TAF2: variants seen among roughly 807,000 people sequenced by gnomAD.
TAF2 encodes the protein transcription initiation factor TFIID subunit 2.
TAF2 carries 61 observed loss-of-function variants against 138.5 expected under a neutral mutation model. That is an observed-to-expected ratio of 0.44 (90% CI 0.36 to 0.54). The LOEUF is 0.54. Ranked by LOEUF, TAF2 falls within the 20% of genes least tolerant of loss-of-function variation. TAF2 has a pLI of 0.00. For synonymous variants in TAF2, 475 were observed against 469.9 expected (o/e 1.01, Z -0.14); for missense variants, 1,090 against 1,427.9 (o/e 0.76, Z 3.81).
chr8:119,828,604 G>C (rs1452442024), intron 2 of TAF2, among the ~76,000 whole-genome samples: 1 of 152,170 alleles, frequency 6.6e-6, no homozygotes, highest in Admixed American at 6.5e-5. Flanking sequence ...GAAGGAAAAG[G>C]AAACACCGAA....
At chr8:119,782,481 T>C (rs953614) in intron 16 of TAF2, among the ~76,000 whole-genome samples, 40,104 of 152,070 alleles carry the variant, frequency 0.26, 5,972 homozygotes, top group Middle Eastern at 0.4. Context: ...TCTGAGAACA[T>C]AGGAATTCAA....
chr8:119,819,062 A>T (rs1485669710), intron 3 of TAF2, among the ~76,000 whole-genome samples: 2 of 152,192 alleles, frequency 1.3e-5, no homozygotes, highest in African/African-American at 2.4e-5. Flanking sequence ...AATAATTAAG[A>T]AAAACACTGA....
chr8:119,740,028 T>C (rs1295519650), intron 25 of TAF2, among the ~76,000 whole-genome samples: 1 of 152,116 alleles, frequency 6.6e-6, no homozygotes, highest in Non-Finnish European at 1.5e-5. Context: ...CTAGAATCCC[T>C]AGAGACTGAA....
intron 18 of TAF2, among the ~76,000 whole-genome samples, chr8:119,764,616 T>C (rs1161090021): frequency 6.6e-6 from 1 of 152,224 alleles, no homozygotes; most frequent in East Asian, 1.9e-4. Context: ...TCTCAATTTC[T>C]GTGTCTTACT....
At chr8:119,774,063 C>T (rs1393231442) in intron 18 of TAF2, among the ~76,000 whole-genome samples, 5 of 151,082 alleles carry the variant, frequency 3.3e-5, no homozygotes, top group Admixed American at 1.4e-4. Context: ...CCCAGCTACT[C>T]GGGAGGCTGA....
intron 18 of TAF2, among the ~76,000 whole-genome samples, chr8:119,774,305 G>A (rs1273558541): frequency 1.3e-5 from 2 of 152,086 alleles, no homozygotes; most frequent in African/African-American, 4.8e-5. Flanking sequence ...TTAAGTGTCT[G>A]ACTTAGAGAA....
chr8:119,757,008 C>T (rs955179010), intron 21 of TAF2, among the ~76,000 whole-genome samples: 7 of 152,224 alleles, frequency 4.6e-5, no homozygotes, highest in Admixed American at 4.6e-4. Context: ...GGTTGTAATT[C>T]TTATGGAGGT....
Position 119,783,599 on chromosome 8 carries a change from G to C in TAF2, c.1894C>G (p.Pro632Ala). 2.5e-6 allele frequency: 4 copies of C among 1,613,822 alleles called. No individual in the cohort carries two copies. Among genetic ancestry groups the C allele is most frequent in the Non-Finnish European group, 3.4e-6 (4 of 1,179,946 alleles). The change falls in exon 16 of 26, where the codon CCA (proline) becomes GCA (alanine). Residue 632 changes from proline to alanine, a missense_variant. Coordinates refer to ENST00000378164, the MANE Select transcript of TAF2 (RefSeq NM_003184.4). ...DSPLLWIRID[P>A]DMSVLRKVEF... Reference sequence around the variant, plus strand: ...ACCTTCCTCAATACTGACATATCTGGGTCTATCCTTATCCACAGCAAAGGG... The same window carrying C: ...ACCTTCCTCAATACTGACATATCTGCGTCTATCCTTATCCACAGCAAAGGG...
intron 2 of TAF2, among the ~76,000 whole-genome samples, chr8:119,828,484 C>T (rs936756575): frequency 6.6e-6 from 1 of 152,148 alleles, no homozygotes; most frequent in Non-Finnish European, 1.5e-5. Context: ...TCTCAGATCC[C>T]CCCTAACAGT....
chr8:119,762,317 A>G (rs1821118096), intron 19 of TAF2, 98 bp downstream of exon 19: 2 of 1,209,036 alleles, frequency 1.7e-6, no homozygotes, highest in South Asian at 2.8e-5. Context: ...TAGTTTTCTC[A>G]TTTTACTTTA....
intron 18 of TAF2, among the ~76,000 whole-genome samples, chr8:119,773,867 G>A (rs1563857070): frequency 6.6e-6 from 1 of 151,514 alleles, no homozygotes; most frequent in Non-Finnish European, 1.5e-5. Flanking sequence ...CATAATAATT[G>A]TCTTATTAAA....
intron 14 of TAF2, among the ~76,000 whole-genome samples, chr8:119,785,804 A>G (rs1002135254): frequency 6.6e-6 from 1 of 152,226 alleles, no homozygotes; most frequent in Non-Finnish European, 1.5e-5. Context: ...GGGCAAATAA[A>G]AACAGGAACA....
chr8:119,822,368 A>G (rs34718068), intron 2 of TAF2, among the ~76,000 whole-genome samples: 41,240 of 151,758 alleles, frequency 0.27, 6,858 homozygotes, highest in Admixed American at 0.46. Flanking sequence ...GACTACAGAA[A>G]TGCATTACCA....
At chr8:119,757,238 G>C (rs1408488176) in intron 21 of TAF2, among the ~76,000 whole-genome samples, 1 of 152,034 alleles carries the variant, frequency 6.6e-6, no homozygotes, top group Non-Finnish European at 1.5e-5. Flanking sequence ...TTAAGACTGT[G>C]TAAAATAAGA....
chr8:119,814,276 A>C (rs575460308), intron 3 of TAF2, among the ~76,000 whole-genome samples: 1 of 152,280 alleles, frequency 6.6e-6, no homozygotes, highest in South Asian at 2.1e-4. Context: ...ACTTAATTCT[A>C]ATACTAATAA....
intron 22 of TAF2, among the ~76,000 whole-genome samples, chr8:119,752,507 G>A (rs1173899784): frequency 6.6e-6 from 1 of 152,144 alleles, no homozygotes; most frequent in Non-Finnish European, 1.5e-5. Flanking sequence ...CTCAGTTTCT[G>A]TACCTGTCTC....
intron 2 of TAF2, among the ~76,000 whole-genome samples, chr8:119,827,916 T>C (rs1446293344): frequency 6.6e-6 from 1 of 152,128 alleles, no homozygotes; most frequent in Admixed American, 6.6e-5. Context: ...GCTAATTTTT[T>C]GTATTTTTAG....
At position 119,770,252 on chromosome 8, in the gene TAF2, G is replaced by GT. The variant is rs146959426; in HGVS notation, c.2365-7645dup. Among the ~76,000 whole-genome samples the GT allele has an allele frequency of 2.4e-4, 36 of 152,032 alleles. No homozygotes were observed. In the East Asian group the frequency reaches 5.8e-3, roughly 25 times the overall value. ...ATAGATATCCAGACAAGAAATCCAG[G>GT]TAACAACTGGGAGATAATGATACAA... On this transcript the variant is annotated intron_variant, in intron 18 of 25. Coordinates refer to ENST00000378164, the MANE Select transcript of TAF2 (RefSeq NM_003184.4).
At chr8:119,769,284 T>C (rs959357348) in intron 18 of TAF2, among the ~76,000 whole-genome samples, 6 of 152,076 alleles carry the variant, frequency 3.9e-5, no homozygotes, top group Non-Finnish European at 5.9e-5. Context: ...ATATACTGTA[T>C]AGTTGCACCC....
Sources: allele counts gnomAD v4.1 joint callset (sites outside exome capture counted in the v4.1 genomes callset), GRCh38; gene constraint gnomAD v4.1.1; transcripts MANE v1.5; gene names NCBI Gene and HGNC (gene_info 2026-07-23, HGNC 2026-07-21).